AKR1C3: variants seen among roughly 807,000 people sequenced by gnomAD.
AKR1C3 encodes the protein 3-alpha hydroxysteroid dehydrogenase, type II.
AKR1C3 carries 48 observed loss-of-function variants against 43.6 expected under a neutral mutation model. That is an observed-to-expected ratio of 1.10 (90% confidence interval 0.87 to 1.40). The LOEUF is 1.40. Among genes scored for constraint, AKR1C3 ranks in the 40% most tolerant of loss-of-function variants. The probability of loss-of-function intolerance (pLI) is 0.00; values close to 1 mark genes in which losing one functional copy is unlikely to be tolerated. For synonymous variants in AKR1C3, 162 were observed against 139.6 expected, an observed-to-expected ratio of 1.16 and a Z score of -1.13; for missense variants, 482 against 391.2, an observed-to-expected ratio of 1.23 and a Z score of -1.96.
chr10:5,105,947 A>G (rs1839490228), intron 8 of AKR1C3, among the ~76,000 whole-genome samples: 1 of 152,194 alleles, frequency 6.6e-6, no homozygotes, highest in East Asian at 1.9e-4. Flanking sequence ...CACGTTCCAT[A>G]TAGGCCTGGT....
chr10:5,106,572 G>A (rs1839505036), intron 8 of AKR1C3, among the ~76,000 whole-genome samples: 2 of 152,096 alleles, frequency 1.3e-5, no homozygotes, highest in African/African-American at 4.8e-5. Context: ...CCAACATGGT[G>A]AAACCCTGTC....
chr10:5,050,053 T>C (rs1290691561), intron 1 of AKR1C3, among the ~76,000 whole-genome samples: 1 of 152,120 alleles, frequency 6.6e-6, no homozygotes, highest in African/African-American at 2.4e-5. Context: ...TTTGTGCTTA[T>C]ATCATGTTCT....
intron 1 of AKR1C3, among the ~76,000 whole-genome samples, chr10:5,073,972 G>T (rs1280171910): frequency 6.6e-6 from 1 of 151,702 alleles, no homozygotes; most frequent in Non-Finnish European, 1.5e-5. Context: ...GCACAAACTT[G>T]CCCCCCATTC....
At chr10:5,100,069 G>A (rs1421561794) in intron 5 of AKR1C3, among the ~76,000 whole-genome samples, 1 of 152,128 alleles carries the variant, frequency 6.6e-6, no homozygotes, top group Non-Finnish European at 1.5e-5. Context: ...AAGGCAGGTG[G>A]ATCACCTGAG....
chr10:5,073,854 A>T (rs1005236938), intron 1 of AKR1C3, among the ~76,000 whole-genome samples: 1 of 152,092 alleles, frequency 6.6e-6, no homozygotes, highest in African/African-American at 2.4e-5. Flanking sequence ...TTGAAGGCAG[A>T]GTTGAGCTTG....
chr10:5,092,806 T>C (rs35613411), upstream of AKR1C3, among the ~76,000 whole-genome samples: 172 of 152,224 alleles, frequency 1.1e-3, 1 homozygote, highest in Non-Finnish European at 2.0e-3. Flanking sequence ...TCTTCAAAAA[T>C]AATTTCTGTC....
At chr10:5,069,175 C>T (rs974091841) in intron 1 of AKR1C3, among the ~76,000 whole-genome samples, 7 of 152,048 alleles carry the variant, frequency 4.6e-5, no homozygotes, top group African/African-American at 1.4e-4. Flanking sequence ...TTGCACAGAG[C>T]GAAAGAGACC....
At position 5,105,609 on chromosome 10, in the gene AKR1C3, G is replaced by A. The variant is rs1276490563; in HGVS notation, c.861G>A (p.Gln287=). The stretch of plus-strand genomic sequence containing the variant: ...ATTTCTGATAGGTTTTTGAGTTCCA[G>A]TTGACTGCAGAGGACATGAAAGCCA... The part of the protein sequence containing the change: ...IRQNVQVFEF[Q]LTAEDMKAID... Residue 287 remains glutamine (Q), a synonymous_variant, in exon 8 of 9, where the codon CAG becomes CAA. Coordinates refer to ENST00000380554, the MANE Select transcript of AKR1C3 (RefSeq NM_003739.6). 3 of 1,613,740 alleles carry A rather than the reference G, an allele frequency of 1.9e-6. No individual in the cohort carries two copies. The highest frequency in any genetic ancestry group is 1.1e-5 in the South Asian group (1 of 91,054).
At chr10:5,105,464 T>G in intron 7 of AKR1C3, 131 bp from the exon 8 acceptor site, 1 of 633,830 alleles carries the variant, frequency 1.6e-6, no homozygotes. Flanking sequence ...CCTGAGTGTT[T>G]AGAGCTGACT....
rs551125896 is a variant in AKR1C3 at position 5,085,590 on chromosome 10, T to A, written c.85-10820T>A. 3.9e-4 allele frequency among the ~76,000 whole-genome samples: 59 copies of A among 151,920 alleles called. 2 individuals are homozygous for A. In the South Asian group the frequency reaches 0.011, roughly 29 times the overall value. ...GGTATCAGGATGACGCTGGCCTCAT[T>A]AAATGAGTTAGGGAGGATTCCCTCT... On this transcript the variant is annotated intron_variant, in intron 1 of 8. Transcript: ENST00000439082.
chr10:5,107,359 A>C (rs1554787486), intron 8 of AKR1C3, 102 bp from the exon 9 acceptor site: 2 of 824,236 alleles, frequency 2.4e-6, no homozygotes, highest in African/African-American at 3.5e-5. Context: ...AACTAGTCAG[A>C]CAACTTAACA....
At chr10:5,053,864 G>A (rs1011120706) in intron 1 of AKR1C3, among the ~76,000 whole-genome samples, 2 of 152,106 alleles carry the variant, frequency 1.3e-5, no homozygotes, top group African/African-American at 4.8e-5. Context: ...CTCATTTGGG[G>A]TTCCATTTGT....
At chr10:5,061,283 T>G (rs1838378191) in intron 1 of AKR1C3, among the ~76,000 whole-genome samples, 1 of 152,168 alleles carries the variant, frequency 6.6e-6, no homozygotes, top group Admixed American at 6.5e-5. Flanking sequence ...AAGAAGGAGC[T>G]GGTGACAGGT....
intron 4 of AKR1C3, 83 bp downstream of exon 4, chr10:5,098,962 T>C: frequency 9.0e-7 from 1 of 1,115,860 alleles, no homozygotes; most frequent in Non-Finnish European, 1.3e-6. Context: ...AAGAATGGAA[T>C]ATGCACCATT....
At chr10:5,102,349 G>A (rs1253458027) in intron 6 of AKR1C3, 136 bp from the exon 7 acceptor site, 8 of 1,597,684 alleles carry the variant, frequency 5.0e-6, no homozygotes, top group Middle Eastern at 2.0e-4. Context: ...CGAGATCTTG[G>A]ATGATGCTGA....
chr10:5,104,737 A>G (rs1373240529), intron 7 of AKR1C3, among the ~76,000 whole-genome samples: 2 of 152,080 alleles, frequency 1.3e-5, no homozygotes, highest in South Asian at 2.1e-4. Flanking sequence ...TGGCCTTTTA[A>G]TATATATATC....
Position 5,097,463 on chromosome 10 carries a change from G to T in AKR1C3, c.282G>T (p.Leu94Phe), listed in dbSNP as rs1839234218. The T allele has an allele frequency of 1.2e-6, 2 of 1,613,664 alleles. No individual in the cohort carries two copies. The highest frequency in any genetic ancestry group is 1.7e-6 in the Non-Finnish European group (2 of 1,179,750). The change falls in exon 3 of 9, where the codon TTG becomes TTT. Residue 94 changes from leucine (L) to phenylalanine (F), a missense_variant. By Grantham distance (22) the Leu-to-Phe change is conservative. Coordinates refer to ENST00000380554, the MANE Select transcript of AKR1C3 (RefSeq NM_003739.6). ...GGTCCACTTTTCATCGACCAGAGTTGGTCCGACCAGCCTTGGAAAACTCAC... is the reference window on the plus strand; with the variant it reads ...GGTCCACTTTTCATCGACCAGAGTTTGTCCGACCAGCCTTGGAAAACTCAC... Reference protein sequence around the residue: ...KLWSTFHRPELVRPALENSLK... With the variant: ...KLWSTFHRPEFVRPALENSLK...
intron 1 of AKR1C3, among the ~76,000 whole-genome samples, chr10:5,087,166 T>C (rs1231703534): frequency 6.6e-6 from 1 of 152,220 alleles, no homozygotes; most frequent in African/African-American, 2.4e-5. Flanking sequence ...CTAGCCTCGC[T>C]GGTCTTTACA....
chr10:5,085,972 T>C (rs1554783030), intron 1 of AKR1C3, among the ~76,000 whole-genome samples: 1 of 151,746 alleles, frequency 6.6e-6, no homozygotes, highest in African/African-American at 2.4e-5. Context: ...CTCTTTTCTT[T>C]TTTATTAGTC....
Sources: gnomAD v4.1 joint callset for allele counts (sites outside exome capture counted in the v4.1 genomes callset) on GRCh38, gnomAD v4.1.1 for gene constraint, MANE v1.5 for transcripts, NCBI Gene and HGNC (gene_info 2026-07-23, HGNC 2026-07-21) for gene names.